FARP1: variants seen among roughly 807,000 people sequenced by gnomAD.
The protein encoded by FARP1 is FERM, ARH/RhoGEF and pleckstrin domain protein 1, also known as FERM, ARHGEF and pleckstrin domain-containing protein 1.
Under a neutral mutation model 128.8 loss-of-function variants are expected in FARP1, and 52 were observed. The ratio of observed to expected loss-of-function variants is 0.40; its 90% CI spans 0.32 to 0.51. The LOEUF is 0.51. Among genes scored for constraint, FARP1 ranks in the 20% least tolerant of loss-of-function variants. The probability of loss-of-function intolerance (pLI) is 0.45; values close to 1 mark genes in which losing one functional copy is unlikely to be tolerated. For synonymous variants in FARP1, 580 were observed against 551.8 expected (o/e 1.05, Z -0.72); for missense variants, 1,333 against 1,367.9 (o/e 0.97, Z 0.40).
At chr13:98,220,593 G>A (rs551345932) in intron 2 of FARP1, among the ~76,000 whole-genome samples, 1 of 152,296 alleles carries the variant, frequency 6.6e-6, no homozygotes, top group African/African-American at 2.4e-5. Flanking sequence ...AATGGTGCTT[G>A]TCTGAGTGTA....
At chr13:98,409,569 C>T (rs113981933) in intron 14 of FARP1, 44 bp downstream of exon 14, 23 of 1,488,164 alleles carry the variant, frequency 1.5e-5, no homozygotes, top group African/African-American at 5.6e-5. Context: ...TGTGTGTGCA[C>T]GTGTGTTTGT....
At chr13:98,220,675 T>G (rs897456883) in intron 2 of FARP1, among the ~76,000 whole-genome samples, 5 of 152,186 alleles carry the variant, frequency 3.3e-5, no homozygotes, top group African/African-American at 1.2e-4. Flanking sequence ...TCATAAATCA[T>G]TTTAGCTAAA....
Position 98,162,281 on chromosome 13 carries a change from G to C in FARP1, c.-24+18789G>C, listed in dbSNP as rs112657518. On this transcript the variant is annotated intron_variant, in intron 1 of 26. Transcript: ENST00000319562. The stretch of plus-strand genomic sequence containing the variant: ...TAATACTCCTGTGTGCCATGCCTGC[G>C]TACAAGTGTGGAGTTTCTAAGTGGC... Among the ~76,000 whole-genome samples, 67 of 152,310 alleles carry C rather than the reference G, an allele frequency of 4.4e-4. No individual in the cohort carries two copies. The South Asian group carries it at 0.012, about 26-fold the overall frequency.
At chr13:98,391,723 A>G (rs958912164) in intron 11 of FARP1, among the ~76,000 whole-genome samples, 16 of 152,044 alleles carry the variant, frequency 1.1e-4, no homozygotes, top group African/African-American at 3.9e-4. Flanking sequence ...TTCCCTTTAT[A>G]AAGATGGAGA....
intron 2 of FARP1, among the ~76,000 whole-genome samples, chr13:98,229,501 T>G (rs1243592370): frequency 6.6e-6 from 1 of 151,840 alleles, no homozygotes; most frequent in Non-Finnish European, 1.5e-5. Flanking sequence ...AATCTCAGAT[T>G]TCTTTTTTTT....
Position 98,438,809 on chromosome 13 carries a change from C to G in FARP1, c.2280C>G (p.Phe760Leu), listed in dbSNP as rs1351309515. 6.2e-7 allele frequency: 1 copy of G among 1,612,562 alleles called. No individual in the cohort carries two copies. The highest frequency in any genetic ancestry group is 1.7e-5 in the Admixed American group (1 of 60,022). The stretch of plus-strand genomic sequence containing the variant: ...CCGGTCTGTCTCCCCTGCAGGAGTT[C>G]ATCCGTCTGGGCAGCCTCAGCAAGC... ...IDNLVVPGRE[F>L]IRLGSLSKLS... The change falls in exon 20 of 27, where the codon TTC (phenylalanine) becomes TTG (leucine). Residue 760 changes from phenylalanine to leucine, a missense_variant. Physicochemically the swap from Phe to Leu is conservative, Grantham distance 22 (BLOSUM62 0). Around this residue, in one of 2 missense-constraint regions of FARP1, gnomAD observed 1,009 missense variants for 969.8 expected, o/e 1.04. Coordinates refer to ENST00000319562, the MANE Select transcript of FARP1 (RefSeq NM_005766.4).
intron 1 of FARP1, among the ~76,000 whole-genome samples, chr13:98,163,366 A>G (rs1251654697): frequency 7.9e-5 from 12 of 152,178 alleles, no homozygotes; most frequent in Admixed American, 7.9e-4. Context: ...ACTGTTGGGT[A>G]CTAGGCTTAG....
At chr13:98,200,675 G>C (rs1488548863) in intron 1 of FARP1, among the ~76,000 whole-genome samples, 1 of 152,132 alleles carries the variant, frequency 6.6e-6, no homozygotes, top group East Asian at 1.9e-4. Context: ...GGAGACCCCT[G>C]CCCTCGGGAC....
intron 1 of FARP1, among the ~76,000 whole-genome samples, chr13:98,193,911 A>G (rs1879401236): frequency 6.6e-6 from 1 of 152,192 alleles, no homozygotes; most frequent in African/African-American, 2.4e-5. Context: ...ATTTGGACAT[A>G]GTCTTTTAGC....
At chr13:98,236,977 G>A (rs950081048) in intron 2 of FARP1, among the ~76,000 whole-genome samples, 1 of 149,680 alleles carries the variant, frequency 6.7e-6, no homozygotes, top group African/African-American at 2.5e-5. Context: ...GGGCAACAGA[G>A]CAAGACTCTG....
At chr13:98,258,802 C>G (rs1458658543) in intron 2 of FARP1, among the ~76,000 whole-genome samples, 2 of 152,184 alleles carry the variant, frequency 1.3e-5, no homozygotes, top group Non-Finnish European at 2.9e-5. Context: ...AATTCTAGAT[C>G]AGGCAACCCA....
chr13:98,244,630 G>C, intron 2 of FARP1: 1 of 1,614,170 alleles, frequency 6.2e-7, no homozygotes, highest in Non-Finnish European at 8.5e-7. Context: ...CATCTTACAG[G>C]CTCTATTTCT....
At position 98,288,550 on chromosome 13, in the gene FARP1, C is replaced by A. The variant is rs1355535626; in HGVS notation, c.172-55212C>A. On this transcript the variant is annotated intron_variant, in intron 2 of 26. Coordinates refer to ENST00000319562, the MANE Select transcript of FARP1 (RefSeq NM_005766.4). The stretch of plus-strand genomic sequence containing the variant: ...GGCCTCACTGTGTCCCATCACCAAC[C>A]CCTTCACTGTGTAATTTTGTATTGT... Among the ~76,000 whole-genome samples the A allele has an allele frequency of 2.6e-5, 4 of 152,172 alleles. No individual in the cohort carries two copies. In the East Asian group the frequency reaches 7.7e-4, roughly 29 times the overall value.
chr13:98,372,301 G>T (rs1889380153), intron 5 of FARP1, among the ~76,000 whole-genome samples: 2 of 152,048 alleles, frequency 1.3e-5, no homozygotes, highest in South Asian at 4.1e-4. Context: ...TGGCCAGGCT[G>T]GTCTCGAACT....
intron 19 of FARP1, 65 bp downstream of exon 19, chr13:98,435,771 C>A (rs780123724): frequency 6.5e-7 from 1 of 1,549,184 alleles, no homozygotes; most frequent in East Asian, 2.2e-5. Flanking sequence ...GAGGGACTTA[C>A]ATTTGAACCT....
chr13:98,295,458 G>A (rs1382114465), intron 2 of FARP1, among the ~76,000 whole-genome samples: 1 of 152,122 alleles, frequency 6.6e-6, no homozygotes, highest in Admixed American at 6.5e-5. Flanking sequence ...AAGGAAGCTC[G>A]CTGGGTTACT....
intron 19 of FARP1, among the ~76,000 whole-genome samples, chr13:98,438,116 T>C (rs1892360152): frequency 6.6e-6 from 1 of 152,188 alleles, no homozygotes; most frequent in African/African-American, 2.4e-5. Context: ...CATTTTTTTG[T>C]TTTTAAGTGC....
chr13:98,279,977 C>G (rs1475249861), intron 2 of FARP1, among the ~76,000 whole-genome samples: 1 of 152,076 alleles, frequency 6.6e-6, no homozygotes, highest in Non-Finnish European at 1.5e-5. Flanking sequence ...TTTTCAGCCT[C>G]TCCCTTGCTC....
At chr13:98,159,891 A>G (rs1876757444) in intron 1 of FARP1, among the ~76,000 whole-genome samples, 2 of 152,212 alleles carry the variant, frequency 1.3e-5, no homozygotes, top group South Asian at 4.1e-4. Flanking sequence ...GTGCCAAGTA[A>G]TGAGCAGTTG....
Sources: gnomAD v4.1 joint callset for allele counts (sites outside exome capture counted in the v4.1 genomes callset) on GRCh38, gnomAD v4.1.1 for gene constraint, gnomAD v4.1.1 regional missense constraint, MANE v1.5 for transcripts, NCBI Gene and HGNC (gene_info 2026-07-23, HGNC 2026-07-21) for gene names.